ERICH6: variants seen among roughly 807,000 people sequenced by gnomAD.
The protein encoded by ERICH6 is glutamate rich 6.
A neutral mutation model predicts 71.0 loss-of-function variants in ERICH6; 71 were observed. That is an observed-to-expected ratio of 1.00 (90% CI 0.83 to 1.22). The LOEUF (loss-of-function observed/expected upper bound fraction) is 1.22, where lower values mean the gene tolerates loss of function less well. ERICH6 is among the 50% of genes most tolerant of loss of function. The pLI, the probability that ERICH6 is intolerant of heterozygous loss-of-function variation, is 0.00. For synonymous variants in ERICH6, 262 were observed against 278.4 expected (o/e 0.94, Z 0.59); for missense variants, 808 against 797.2 (o/e 1.01, Z -0.16).
chr3:150,703,736 C>CCTCCTA lies in ERICH6; in HGVS notation c.162_163insTAGGAG (p.Glu54_Val55insTer), dbSNP rs908152988. 2.6e-6 allele frequency: 4 copies of CCTCCTA among 1,536,966 alleles called. 1 individual carries two copies. In the African/African-American group the frequency reaches 6.8e-5, roughly 26 times the overall value. On this transcript the variant is annotated stop_gained and inframe_insertion, in exon 1 of 14. Transcript: ENST00000295910. LOFTEE classifies it high-confidence loss of function. Reference sequence around the variant, plus strand: ...TCCCCCACCAACTCCTCCTCCACCACCTCCTCCTCCTCCTCCTCCACCTCT... The same window carrying CCTCCTA: ...TCCCCCACCAACTCCTCCTCCACCACCTCCTACTCCTCCTCCTCCTCCTCCACCTCT...
chr3:150,678,714 T>A (rs1711765022), intron 9 of ERICH6, among the ~76,000 whole-genome samples, 160 bp from the exon 10 acceptor site: 1 of 152,078 alleles, frequency 6.6e-6, no homozygotes, highest in African/African-American at 2.4e-5. Flanking sequence ...TTATTCCCCC[T>A]TGTCAAAAAA....
intron 3 of ERICH6, among the ~76,000 whole-genome samples, chr3:150,697,688 T>A (rs1244707831): frequency 6.6e-6 from 1 of 152,246 alleles, no homozygotes; most frequent in Non-Finnish European, 1.5e-5. Context: ...TTCTTCCTCA[T>A]GTCCCCAACT....
chr3:150,686,092 G>C, intron 4 of ERICH6, 71 bp from the exon 5 acceptor site: 2 of 1,317,718 alleles, frequency 1.5e-6, no homozygotes, highest in Middle Eastern at 3.9e-4. Context: ...TCTGTAATTT[G>C]GAGATTCACA....
At chr3:150,667,081 T>C in intron 12 of ERICH6, 66 bp from the exon 13 acceptor site, 2 of 1,447,164 alleles carry the variant, frequency 1.4e-6, no homozygotes, top group Non-Finnish European at 9.5e-7. Context: ...GAATTATCCC[T>C]GTCACTTGCT....
chr3:150,700,241 ATTTTTTT>A (rs34624356), intron 2 of ERICH6, among the ~76,000 whole-genome samples: 55 of 110,962 alleles, frequency 5.0e-4, no homozygotes, highest in South Asian at 4.7e-3. Flanking sequence ...TGCCCGGCTA[ATTTTTTT>A]TTTTTTTTTT....
intron 4 of ERICH6, 102 bp from the exon 5 acceptor site, chr3:150,686,123 C>A: frequency 2.5e-6 from 3 of 1,207,634 alleles, no homozygotes; most frequent in Non-Finnish European, 2.4e-6. Context: ...TCCTCCTTGC[C>A]CAGCACGCAC....
chr3:150,696,321 T>A (rs1712656690), intron 3 of ERICH6, among the ~76,000 whole-genome samples: 1 of 152,082 alleles, frequency 6.6e-6, no homozygotes, highest in East Asian at 1.9e-4. Context: ...GTGCTAAAGA[T>A]AAATAGTAAA....
chr3:150,702,156 T>C lies in ERICH6; in HGVS notation c.426A>G (p.Thr142=). The stretch of plus-strand genomic sequence containing the variant: ...TCATTTCAGACATGTCTTTCCTAAA[T>C]GTCTGAAATATTTTAGGGAAACCTG... ...SHKSFPKIFQ[T]FRKDMSEMSI... is the part of the protein sequence containing the mutation. Residue 142 remains threonine, a synonymous_variant, in exon 2 of 14, where the codon ACA becomes ACG. Transcript: ENST00000295910. The C allele has an allele frequency of 6.3e-7, 1 of 1,580,472 alleles. No individual in the cohort carries two copies. Among genetic ancestry groups the C allele is most frequent in the Non-Finnish European group, 8.6e-7 (1 of 1,158,602 alleles).
chr3:150,666,841 T>C lies in ERICH6; in HGVS notation c.1674A>G (p.Ile558Met). ...VRILEQDKIS[I>M]TFLAMGQQAR... ...CCTGTTGGCCCATTGCTAGAAAAGT[T>C]ATAGAAATCTTGTCTTGTTCTAAGA... The change falls in exon 13 of 14, where the codon ATA (isoleucine) becomes ATG (methionine). Residue 558 changes from isoleucine (I) to methionine (M), a missense_variant. Around this residue, in one of 3 missense-constraint regions of ERICH6, gnomAD observed 736 missense variants for 712.2 expected, o/e 1.03. Coordinates refer to ENST00000295910, the MANE Select transcript of ERICH6 (RefSeq NM_152394.5). 6.2e-7 allele frequency: 1 copy of C among 1,614,166 alleles called. No individual in the cohort carries two copies. Among genetic ancestry groups the C allele is most frequent in the South Asian group, 1.1e-5 (1 of 91,080 alleles).
chr3:150,693,110 G>C (rs893259309), intron 3 of ERICH6, among the ~76,000 whole-genome samples: 1 of 152,270 alleles, frequency 6.6e-6, no homozygotes, highest in Admixed American at 6.5e-5. Flanking sequence ...ATTGAGTAAA[G>C]TGTACTCCTA....
chr3:150,703,551 C>T lies in ERICH6; in HGVS notation c.348G>A (p.Ala116=). ...LTSTFVPSQS[A]TSTETPSASP... is the part of the protein sequence containing the mutation. ...TTGCGCTCGGCGTTTCAGTGCTGGT[C>T]GCGCTCTGGCTGGGCACGAACGTAG... Residue 116 remains alanine (A), a synonymous_variant, in exon 1 of 14, where the codon GCG becomes GCA. Coordinates refer to ENST00000295910, the MANE Select transcript of ERICH6 (RefSeq NM_152394.5). 1 of 1,612,648 alleles carries T rather than the reference C, an allele frequency of 6.2e-7. No individual in the cohort carries two copies. The highest frequency in any genetic ancestry group is 8.5e-7 in the Non-Finnish European group (1 of 1,179,424).
At chr3:150,665,549 G>A (rs1727381271) in intron 13 of ERICH6, among the ~76,000 whole-genome samples, 2 of 143,754 alleles carry the variant, frequency 1.4e-5, no homozygotes, top group Admixed American at 7.2e-5. Flanking sequence ...GAAACAGGCC[G>A]GGAGTGGTGG....
chr3:150,673,830 C>G (rs537168006), intron 11 of ERICH6, 126 bp downstream of exon 11: 92 of 792,934 alleles, frequency 1.2e-4, no homozygotes, highest in Non-Finnish European at 1.8e-4. Flanking sequence ...ATCTGCCCAC[C>G]TCAGCCTCCC....
chr3:150,679,802 C>T (rs773049591), intron 9 of ERICH6, among the ~76,000 whole-genome samples: 10 of 152,070 alleles, frequency 6.6e-5, no homozygotes, highest in Admixed American at 1.3e-4. Flanking sequence ...AGATTACAGG[C>T]GCCTGCCACC....
chr3:150,680,471 C>A lies in ERICH6; in HGVS notation c.1108G>T (p.Asp370Tyr), dbSNP rs1481384803. The A allele has an allele frequency of 6.2e-7, 1 of 1,614,160 alleles. No homozygotes were observed. The highest frequency in any genetic ancestry group is 1.1e-5 in the South Asian group (1 of 91,084). Residue 370 changes from aspartate (D) to tyrosine (Y), a missense_variant, in exon 9 of 14, where the codon GAT (aspartate) becomes TAT (tyrosine). Coordinates refer to ENST00000295910, the MANE Select transcript of ERICH6 (RefSeq NM_152394.5). ...AGATCAGCACTAATGAACTCACCAT[C>A]TTCAGAGAAATGAGTCTGTTCCCTT... ...ISREQTHFSE[D>Y]DSKRLKTISY...
intron 13 of ERICH6, among the ~76,000 whole-genome samples, chr3:150,661,314 C>A (rs1328063817): frequency 6.6e-6 from 1 of 152,218 alleles, no homozygotes; most frequent in East Asian, 1.9e-4. Context: ...CTCACCTTTT[C>A]CTTTTTGTGT....
chr3:150,662,047 G>A (rs759943985), intron 13 of ERICH6, among the ~76,000 whole-genome samples: 1 of 152,172 alleles, frequency 6.6e-6, no homozygotes, highest in Non-Finnish European at 1.5e-5. Flanking sequence ...GAGAAAGCAA[G>A]TGTAAGAATT....
chr3:150,697,461 A>G (rs936790074), intron 3 of ERICH6, among the ~76,000 whole-genome samples: 1 of 152,186 alleles, frequency 6.6e-6, no homozygotes, highest in Admixed American at 6.5e-5. Context: ...AGCCCACTCC[A>G]ATATGGCTTT....
intron 13 of ERICH6, among the ~76,000 whole-genome samples, chr3:150,663,711 C>G (rs1727304286): frequency 6.6e-6 from 1 of 152,096 alleles, no homozygotes; most frequent in African/African-American, 2.4e-5. Context: ...CTCCTGGGCT[C>G]AAGTAATGCT....
Sources: gnomAD v4.1 joint callset for allele counts (sites outside exome capture counted in the v4.1 genomes callset) on GRCh38, gnomAD v4.1.1 for gene constraint, gnomAD v4.1.1 regional missense constraint, MANE v1.5 for transcripts, NCBI Gene and HGNC (gene_info 2026-07-23, HGNC 2026-07-21) for gene names.